SMIM40: variants seen among roughly 807,000 people sequenced by gnomAD.
SMIM40 encodes the protein small integral membrane protein 40.
chr6:33,327,861 CAAAAAA>C (rs375476107), intron 1 of SMIM40, among the ~76,000 whole-genome samples: 2 of 70,334 alleles, frequency 2.8e-5, no homozygotes, highest in Non-Finnish European at 5.3e-5. Flanking sequence ...GACTCTGTCA[CAAAAAA>C]AAAAAAAAAA....
rs575722974 is a variant in SMIM40 at position 33,326,409 on chromosome 6, C to T, written c.*40-2379G>A. 6.8e-4 allele frequency among the ~76,000 whole-genome samples: 101 copies of T among 148,104 alleles called. 10 individuals carry two copies. The highest frequency in any genetic ancestry group is 2.4e-3 in the African/African-American group (91 of 38,028). ...GCCAGGCTGGTCTCAAACTCCTGAC[C>T]TCGTGATCCACCCAACTCAGCCTCC... On this transcript the variant is annotated intron_variant, in intron 1 of 2. Coordinates refer to ENST00000494082, the MANE Select transcript of SMIM40 (RefSeq NM_001369203.1).
chr6:33,328,886 C>CAAA (rs9280408), intron 1 of SMIM40, 101 bp downstream of exon 1: 9 of 275,666 alleles, frequency 3.3e-5, no homozygotes, highest in African/African-American at 7.6e-5. Flanking sequence ...AACTCCATCT[C>CAAA]AAAAAAAAAA....
intron 1 of SMIM40, among the ~76,000 whole-genome samples, chr6:33,325,408 T>C (rs1226207707): frequency 6.7e-6 from 1 of 148,324 alleles, no homozygotes; most frequent in Non-Finnish European, 1.5e-5. Context: ...AGGGTCTTAC[T>C]GTGTTGCCCA....
chr6:33,327,143 C>T (rs1474069246), intron 1 of SMIM40, among the ~76,000 whole-genome samples: 1 of 147,790 alleles, frequency 6.8e-6, no homozygotes, highest in East Asian at 2.0e-4. Flanking sequence ...AATAAATAGG[C>T]CAGGTGCAGT....
At chr6:33,324,427 T>C (rs923849336) in intron 1 of SMIM40, among the ~76,000 whole-genome samples, 15 of 148,756 alleles carry the variant, frequency 1.0e-4, no homozygotes, top group Non-Finnish European at 7.4e-5. Flanking sequence ...TTTTTTCCCC[T>C]CCCCCCTCAA....
intron 1 of SMIM40, among the ~76,000 whole-genome samples, chr6:33,328,481 T>C (rs1771350704): frequency 6.6e-6 from 1 of 151,914 alleles, no homozygotes; most frequent in Admixed American, 6.6e-5. Context: ...TGAGCCACTG[T>C]GCCCGGCCAC....
rs1771252400 is a variant in SMIM40, at chr6:33,327,219, G to A, written c.*39+1768C>T. ...GGCAGATCACGAAGTCTAGGAGTTC[G>A]AGACCAGCCTGGCCAATATGGTGAC... On this transcript the variant is annotated intron_variant, in intron 1 of 2. Transcript: ENST00000494082. Among the ~76,000 whole-genome samples, 2 of 148,220 alleles carry A rather than the reference G, an allele frequency of 1.3e-5. 1 individual carries two copies. Among genetic ancestry groups the A allele is most frequent in the Middle Eastern group, 7.2e-3 (2 of 276 alleles).
At chr6:33,326,901 C>T (rs563885052) in intron 1 of SMIM40, among the ~76,000 whole-genome samples, 1 of 148,798 alleles carries the variant, frequency 6.7e-6, no homozygotes, top group Non-Finnish European at 1.5e-5. Context: ...GCAGGCAGAT[C>T]ACCTGAGGTC....
At chr6:33,328,096 T>A (rs6905905) in intron 1 of SMIM40, among the ~76,000 whole-genome samples, 108 of 151,246 alleles carry the variant, frequency 7.1e-4, no homozygotes, top group African/African-American at 2.3e-3. Flanking sequence ...AAAAAAAAAA[T>A]AAAAATTAAA....
intron 1 of SMIM40, among the ~76,000 whole-genome samples, chr6:33,326,132 A>G (rs1771155698): frequency 1.3e-5 from 2 of 148,462 alleles, no homozygotes; most frequent in Non-Finnish European, 2.9e-5. Context: ...GAAAAAAGGA[A>G]TGATTCCCAA....
At chr6:33,324,813 A>G (rs1393730617) in intron 1 of SMIM40, among the ~76,000 whole-genome samples, 1 of 121,474 alleles carries the variant, frequency 8.2e-6, no homozygotes, top group Non-Finnish European at 1.6e-5. Flanking sequence ...CGAATCCGGG[A>G]GGCGGAGGTT....
chr6:33,324,189 C>A (rs1441299116), intron 1 of SMIM40, among the ~76,000 whole-genome samples, 159 bp from the exon 2 acceptor site: 3 of 152,180 alleles, frequency 2.0e-5, no homozygotes. Context: ...AACAATCCCA[C>A]ATCACTTCTC....
intron 1 of SMIM40, 80 bp downstream of exon 1, chr6:33,328,907 A>AAT: frequency 5.8e-6 from 2 of 343,518 alleles, no homozygotes; most frequent in Admixed American, 5.1e-5. Context: ...AAAAAAAAAA[A>AAT]AAGACTGCTG....
intron 1 of SMIM40, among the ~76,000 whole-genome samples, chr6:33,326,419 A>AC (rs1771176507): frequency 6.8e-6 from 1 of 146,290 alleles, no homozygotes; most frequent in Admixed American, 6.7e-5. Context: ...CTCGTGATCC[A>AC]CCCAACTCAG....
At chr6:33,325,236 A>G (rs995021238) in intron 1 of SMIM40, among the ~76,000 whole-genome samples, 9 of 148,798 alleles carry the variant, frequency 6.0e-5, no homozygotes, top group African/African-American at 1.6e-4. Context: ...GCTTGGTGGC[A>G]CGCGCCTGTA....
chr6:33,325,382 G>A (rs1255719204), intron 1 of SMIM40, among the ~76,000 whole-genome samples: 4 of 93,874 alleles, frequency 4.3e-5, no homozygotes, highest in Admixed American at 1.1e-4. Context: ...AAAAAAAAAA[G>A]GTTTTTTATA....
At chr6:33,324,884 A>C (rs1771061403) in intron 1 of SMIM40, among the ~76,000 whole-genome samples, 1 of 53,270 alleles carries the variant, frequency 1.9e-5, no homozygotes, top group African/African-American at 1.3e-4. Context: ...GATTATCTCA[A>C]AAAAAAAAAA....
chr6:33,327,163 T>C (rs1244185257), intron 1 of SMIM40, among the ~76,000 whole-genome samples: 1 of 148,520 alleles, frequency 6.7e-6, no homozygotes, highest in Non-Finnish European at 1.5e-5. Flanking sequence ...TGGCTCATGC[T>C]GTAATTCCAG....
At chr6:33,326,983 G>T (rs1472982805) in intron 1 of SMIM40, among the ~76,000 whole-genome samples, 1 of 148,590 alleles carries the variant, frequency 6.7e-6, no homozygotes, top group Non-Finnish European at 1.5e-5. Context: ...AATTAGCTGG[G>T]TGTAGTGGCG....
Sources: allele counts gnomAD v4.1 joint callset (sites outside exome capture counted in the v4.1 genomes callset), GRCh38; gene constraint gnomAD v4.1.1; transcripts MANE v1.5; gene names NCBI Gene and HGNC (gene_info 2026-07-23, HGNC 2026-07-21).